The following ADA2 variants were observed in gnomAD, a reference collection of about 807,000 sequenced individuals.
The protein encoded by ADA2 is adenosine deaminase 2.
A neutral mutation model predicts 44.2 loss-of-function variants in ADA2; 29 were observed. The observed-to-expected ratio is 0.66, with a 90% CI of 0.49 to 0.89. The LOEUF (loss-of-function observed/expected upper bound fraction) is 0.89. ADA2 is among the 40% of genes least tolerant of loss of function. ADA2 has a pLI of 0.00. For missense variants in ADA2, 637 were observed against 644.8 expected, an observed-to-expected ratio of 0.99 and a Z score of 0.13; for synonymous variants, 215 against 234.9, an observed-to-expected ratio of 0.92 and a Z score of 0.77.
intron 9 of ADA2, 81 bp from the exon 10 acceptor site, chr22:17,181,657 C>T: frequency 8.9e-7 from 1 of 1,123,808 alleles, no homozygotes; most frequent in Non-Finnish European, 1.4e-6. Context: ...GACATTAGAG[C>T]CTTGCAGAGC....
chr22:17,207,449 C>CAA (rs2062367597), intron 2 of ADA2, among the ~76,000 whole-genome samples, 159 bp from the exon 3 acceptor site: 2 of 151,862 alleles, frequency 1.3e-5, no homozygotes, highest in Admixed American at 1.3e-4. Context: ...GGCTTGGGGA[C>CAA]AAAGGGGTGA....
chr22:17,190,074 C>T lies in ADA2; in HGVS notation c.882-42G>A, dbSNP rs755702569. ...GAAGCCAGGAGACAGTGCCCAGCACCGACAGAGCACAAACCCCAGAGCACA... is the reference window on the plus strand; with the variant it reads ...GAAGCCAGGAGACAGTGCCCAGCACTGACAGAGCACAAACCCCAGAGCACA... On this transcript the variant is annotated intron_variant, in intron 5 of 9. Transcript: ENST00000399837. 55 of 1,448,616 alleles carry T rather than the reference C, an allele frequency of 3.8e-5. No homozygotes were observed. In the African/African-American group the frequency reaches 3.9e-4, roughly 10 times the overall value. The allele number at this position is 1,448,616 out of a possible 1,614,324, so 89.7% of individuals were successfully genotyped here.
At chr22:17,218,479 A>C (rs570669957) in intron 1 of ADA2, among the ~76,000 whole-genome samples, 1 of 152,064 alleles carries the variant, frequency 6.6e-6, no homozygotes, top group Non-Finnish European at 1.5e-5. Flanking sequence ...GCCTGCTACT[A>C]AAATCTCTAG....
At chr22:17,213,575 G>T in intron 1 of ADA2, 2 of 304,204 alleles carry the variant, frequency 6.6e-6, no homozygotes, top group South Asian at 5.8e-5. Context: ...AGCTCAGAGT[G>T]ACCAAGCGGA....
At chr22:17,210,090 C>T (rs528235492) in intron 1 of ADA2, among the ~76,000 whole-genome samples, 86 of 151,738 alleles carry the variant, frequency 5.7e-4, no homozygotes, top group African/African-American at 1.9e-3. Context: ...CGGGGTTTCA[C>T]TGTGTTAGAC....
At position 17,188,378 on chromosome 22, in the gene ADA2, C is replaced by T; in HGVS notation, c.1042G>A (p.Gly348Ser). ...TGGAAGAAGTAAGGCAGCTTAACGC[C>T]ATCCTTGGCGGGGATCATCAGAGCT... is the stretch of plus-strand genomic sequence containing the variant. ...KEALMIPAKD[G>S]VKLPYFFHAG... is the part of the protein sequence containing the mutation. The change falls in exon 7 of 10, where the codon GGC becomes AGC. Residue 348 changes from glycine to serine, a missense_variant. By Grantham distance (56) the Gly-to-Ser change is moderately conservative. Coordinates refer to ENST00000399837, the MANE Select transcript of ADA2 (RefSeq NM_001282225.2). The T allele has an allele frequency of 6.2e-7, 1 of 1,614,162 alleles. No individual in the cohort carries two copies. The highest frequency in any genetic ancestry group is 2.2e-5 in the East Asian group (1 of 44,862).
intron 7 of ADA2, among the ~76,000 whole-genome samples, chr22:17,186,833 C>T (rs2062041309): frequency 1.0e-5 from 1 of 96,214 alleles, no homozygotes; most frequent in South Asian, 3.7e-4. Context: ...CGCACCACTG[C>T]ACTCCAGCCT....
intron 4 of ADA2, among the ~76,000 whole-genome samples, chr22:17,198,144 T>G (rs2062217738): frequency 6.6e-6 from 1 of 152,102 alleles, no homozygotes; most frequent in Non-Finnish European, 1.5e-5. Context: ...AGTTGTCTCC[T>G]GTCATCAGGA....
chr22:17,187,824 G>T (rs1467888987), intron 7 of ADA2, among the ~76,000 whole-genome samples: 1 of 152,034 alleles, frequency 6.6e-6, no homozygotes, highest in Admixed American at 6.6e-5. Context: ...ATTAGAAAAG[G>T]CCAGGCGCAG....
chr22:17,192,190 G>C (rs1363924612), intron 4 of ADA2, among the ~76,000 whole-genome samples: 2 of 152,114 alleles, frequency 1.3e-5, no homozygotes, highest in African/African-American at 4.8e-5. Context: ...GCTGCATGGG[G>C]AATTCCTAGC....
chr22:17,199,696 G>C, intron 4 of ADA2: 4 of 1,217,288 alleles, frequency 3.3e-6, no homozygotes, highest in Non-Finnish European at 4.3e-6. Flanking sequence ...GACGAACTTA[G>C]GAGCCCTGGT....
chr22:17,201,951 T>A (rs1211269710), intron 4 of ADA2, among the ~76,000 whole-genome samples: 2 of 142,842 alleles, frequency 1.4e-5, no homozygotes, highest in East Asian at 4.0e-4. Context: ...TAAAATCAAA[T>A]TTTTTTTTCT....
At chr22:17,187,665 T>TAAAA (rs34113994) in intron 7 of ADA2, among the ~76,000 whole-genome samples, 2 of 136,824 alleles carry the variant, frequency 1.5e-5, no homozygotes, top group Admixed American at 7.3e-5. Flanking sequence ...CACGAAAAAT[T>TAAAA]AAAAAAAAAA....
intron 7 of ADA2, 58 bp downstream of exon 7, chr22:17,188,281 G>A (rs2062062313): frequency 5.5e-6 from 7 of 1,281,816 alleles, no homozygotes; most frequent in Admixed American, 1.7e-5. Context: ...TGGGCCTGTG[G>A]CCAGGAGCTC....
chr22:17,194,278 T>C (rs763684640), intron 4 of ADA2, among the ~76,000 whole-genome samples: 7 of 152,110 alleles, frequency 4.6e-5, no homozygotes, highest in Non-Finnish European at 8.8e-5. Context: ...AGTCGGCTCT[T>C]GCCTCTGTGG....
chr22:17,184,974 C>T (rs1171609381), intron 7 of ADA2, among the ~76,000 whole-genome samples: 49 of 36,006 alleles, frequency 1.4e-3, no homozygotes, highest in Non-Finnish European at 2.9e-3. Flanking sequence ...GACAGAGTGC[C>T]CATGTCAAAA....
chr22:17,213,272 C>G (rs953180016), intron 1 of ADA2, among the ~76,000 whole-genome samples: 1 of 152,136 alleles, frequency 6.6e-6, no homozygotes, highest in Non-Finnish European at 1.5e-5. Context: ...CTATGGAGAA[C>G]AGTATGGATA....
chr22:17,191,355 C>T (rs1299922399), intron 5 of ADA2, among the ~76,000 whole-genome samples: 3 of 152,242 alleles, frequency 2.0e-5, no homozygotes, highest in Non-Finnish European at 4.4e-5. Context: ...ATTATCCAAA[C>T]ATTCAGGCAA....
Position 17,207,300 on chromosome 22 carries a change from G to A in ADA2, c.323-10C>T, listed in dbSNP as rs1375971429. 6.3e-7 allele frequency: 1 copy of A among 1,590,578 alleles called. No individual in the cohort carries two copies. The highest frequency in any genetic ancestry group is 2.2e-5 in the East Asian group (1 of 44,446). ...AGGTGCAAGGCAGCCCCTGGAGAGG[G>A]AAGAAGAATGGTGAAGACAAAGGGG... is the stretch of plus-strand genomic sequence containing the variant. On this transcript the variant is annotated splice_polypyrimidine_tract_variant and intron_variant, in intron 2 of 9. Coordinates refer to ENST00000399837, the MANE Select transcript of ADA2 (RefSeq NM_001282225.2).
Sources: allele counts gnomAD v4.1 joint callset (sites outside exome capture counted in the v4.1 genomes callset), GRCh38; gene constraint gnomAD v4.1.1; transcripts MANE v1.5; gene names NCBI Gene and HGNC (gene_info 2026-07-23, HGNC 2026-07-21).